RAPGEF2: variants seen among roughly 807,000 people sequenced by gnomAD.
RAPGEF2 encodes PDZ domain containing guanine nucleotide exchange factor (GEF) 1.
A neutral mutation model predicts 186.7 loss-of-function variants in RAPGEF2; 54 were observed. The observed-to-expected ratio is 0.29, with a 90% confidence interval of 0.23 to 0.36. The LOEUF is 0.36. Ranked by LOEUF, RAPGEF2 falls within the 10% of genes least tolerant of loss-of-function variation. The pLI, the probability that RAPGEF2 is intolerant of heterozygous loss-of-function variation, is 1.00. For missense variants in RAPGEF2, 1,532 were observed against 2,045.0 expected (o/e 0.75, Z 4.84); for synonymous variants, 712 against 705.9 (o/e 1.01, Z -0.14).
intron 3 of RAPGEF2, among the ~76,000 whole-genome samples, chr4:159,204,880 T>C (rs536812457): frequency 1.3e-5 from 2 of 152,324 alleles, no homozygotes; most frequent in East Asian, 3.9e-4. Flanking sequence ...ACCTCTTTAG[T>C]CTTCAGATTT....
At chr4:159,107,042 T>G (rs1332859799) in intron 1 of RAPGEF2, among the ~76,000 whole-genome samples, 2 of 152,222 alleles carry the variant, frequency 1.3e-5, no homozygotes, top group African/African-American at 4.8e-5. Context: ...AGACTATCAC[T>G]ATTTCACCTG....
intron 1 of RAPGEF2, among the ~76,000 whole-genome samples, chr4:159,112,190 A>T (rs989884741): frequency 6.6e-6 from 1 of 152,218 alleles, no homozygotes; most frequent in South Asian, 2.1e-4. Context: ...GTGCTTCTAA[A>T]ATACCAATAA....
intron 1 of RAPGEF2, among the ~76,000 whole-genome samples, chr4:159,163,127 G>C (rs999901724): frequency 1.3e-5 from 2 of 152,118 alleles, no homozygotes; most frequent in African/African-American, 4.8e-5. Context: ...TAGCTAGTAG[G>C]TATTTATCCT....
At chr4:159,344,911 T>G (rs887163057) in intron 23 of RAPGEF2, among the ~76,000 whole-genome samples, 195 bp from the exon 24 acceptor site, 2 of 152,218 alleles carry the variant, frequency 1.3e-5, no homozygotes, top group African/African-American at 4.8e-5. Flanking sequence ...TAAATTTTTA[T>G]ATGTATATTA....
At chr4:159,330,755 C>T (rs1397330708) in intron 13 of RAPGEF2, 1 of 374,940 alleles carries the variant, frequency 2.7e-6, no homozygotes, top group Non-Finnish European at 4.7e-6. Flanking sequence ...AATGTTTAAA[C>T]ATTTTTTTAA....
At chr4:159,114,524 A>G (rs1379961546) in intron 1 of RAPGEF2, among the ~76,000 whole-genome samples, 1 of 152,182 alleles carries the variant, frequency 6.6e-6, no homozygotes, top group Non-Finnish European at 1.5e-5. Flanking sequence ...GGTGTGAGCC[A>G]CCTTGCTTGG....
chr4:159,180,683 T>C (rs773801814), intron 1 of RAPGEF2, among the ~76,000 whole-genome samples: 2 of 152,184 alleles, frequency 1.3e-5, no homozygotes, highest in Non-Finnish European at 2.9e-5. Flanking sequence ...CTACACAGGG[T>C]TTTCTGGTTG....
At chr4:159,201,345 T>C (rs183473681) in intron 3 of RAPGEF2, among the ~76,000 whole-genome samples, 26 of 152,310 alleles carry the variant, frequency 1.7e-4, no homozygotes, top group African/African-American at 5.1e-4. Context: ...TTAGAACTTA[T>C]TTTTTTGAAG....
At chr4:159,333,947 C>T (rs1767042724) in intron 17 of RAPGEF2, among the ~76,000 whole-genome samples, 1 of 152,154 alleles carries the variant, frequency 6.6e-6, no homozygotes, top group East Asian at 1.9e-4. Context: ...ATAAAATTTT[C>T]ATCCACAGAT....
At chr4:159,352,615 A>G in intron 26 of RAPGEF2, 70 bp from the exon 27 acceptor site, 3 of 1,301,124 alleles carry the variant, frequency 2.3e-6, no homozygotes, top group East Asian at 2.3e-5. Flanking sequence ...TTTTGCTTCT[A>G]TTTGGTAGAC....
At chr4:159,156,350 A>C (rs1193559572) in intron 1 of RAPGEF2, among the ~76,000 whole-genome samples, 1 of 152,186 alleles carries the variant, frequency 6.6e-6, no homozygotes, top group Non-Finnish European at 1.5e-5. Context: ...TTCTTTGAAC[A>C]ATTTTTATAA....
At chr4:159,305,806 C>T (rs1466508727) in intron 8 of RAPGEF2, among the ~76,000 whole-genome samples, 1 of 151,906 alleles carries the variant, frequency 6.6e-6, no homozygotes, top group Non-Finnish European at 1.5e-5. Context: ...AGCTTTGGGT[C>T]TTAAGTCTTC....
chr4:159,187,168 CTTAA>C (rs1747644276), intron 2 of RAPGEF2, among the ~76,000 whole-genome samples: 1 of 152,194 alleles, frequency 6.6e-6, no homozygotes, highest in Non-Finnish European at 1.5e-5. Context: ...ATAATATATA[CTTAA>C]TTAAGTTTTA....
At chr4:159,124,602 A>G (rs190127669) in intron 1 of RAPGEF2, among the ~76,000 whole-genome samples, 3 of 152,318 alleles carry the variant, frequency 2.0e-5, no homozygotes, top group African/African-American at 4.8e-5. Context: ...TGCTGAAGAT[A>G]TATCTTTACG....
rs769375530 is a variant in RAPGEF2, at chr4:159,341,778, A to G, written c.2749A>G (p.Asn917Asp). Residue 917 changes from asparagine to aspartate, a missense_variant, in exon 20 of 30, where the codon AAC (asparagine) becomes GAC (aspartate). By Grantham distance (23) the Asn-to-Asp change is conservative. Around this residue, in one of 4 missense-constraint regions of RAPGEF2, gnomAD observed 810 missense variants for 1,210.5 expected, o/e 0.67. Coordinates refer to ENST00000691494, the MANE Select transcript of RAPGEF2 (RefSeq NM_001394067.2). The part of the protein sequence containing the change: ...FKLRSKTSCA[N>D]LKRFEEVINQ... Reference sequence around the variant, plus strand: ...ACTCAGATCAAAAACCAGCTGTGCCAACCTGAAGAGATTTGAAGAAGTCAT... The same window carrying G: ...ACTCAGATCAAAAACCAGCTGTGCCGACCTGAAGAGATTTGAAGAAGTCAT... 1.9e-6 allele frequency: 3 copies of G among 1,613,976 alleles called. No homozygotes were observed. In the African/African-American group the frequency reaches 4.0e-5, roughly 22 times the overall value.
At position 159,214,660 on chromosome 4, in the gene RAPGEF2, T is replaced by C. The variant is rs1379302546; in HGVS notation, c.281+4077T>C. On this transcript the variant is annotated intron_variant, in intron 4 of 29. Transcript: ENST00000691494. Reference sequence around the variant, plus strand: ...AACCAACATATTATTTTTTGCCTGCTGACTTCCAGAAGGCTAGGAATTTAT... The same window carrying C: ...AACCAACATATTATTTTTTGCCTGCCGACTTCCAGAAGGCTAGGAATTTAT... Among the ~76,000 whole-genome samples, 3 of 152,208 alleles carry C rather than the reference T, an allele frequency of 2.0e-5. No homozygotes were observed. The South Asian group carries it at 6.2e-4, about 32-fold the overall frequency.
At chr4:159,150,197 A>G (rs890229841) in intron 1 of RAPGEF2, among the ~76,000 whole-genome samples, 12 of 151,182 alleles carry the variant, frequency 7.9e-5, no homozygotes, top group South Asian at 4.1e-4. Context: ...GTTATATACT[A>G]TAAAGTCACC....
intron 4 of RAPGEF2, among the ~76,000 whole-genome samples, chr4:159,220,518 A>G (rs866369504): frequency 6.6e-6 from 1 of 152,212 alleles, no homozygotes; most frequent in Non-Finnish European, 1.5e-5. Context: ...CTCCTTGGCG[A>G]GACATACAGG....
intron 1 of RAPGEF2, among the ~76,000 whole-genome samples, chr4:159,153,863 T>G (rs768243103): frequency 2.0e-5 from 3 of 152,228 alleles, no homozygotes; most frequent in African/African-American, 4.8e-5. Flanking sequence ...TTAGCTAACC[T>G]TGCATTAAAA....
Sources: allele counts gnomAD v4.1 joint callset (sites outside exome capture counted in the v4.1 genomes callset), GRCh38; gene constraint gnomAD v4.1.1; regional missense constraint gnomAD v4.1.1; transcripts MANE v1.5; gene names NCBI Gene and HGNC (gene_info 2026-07-23, HGNC 2026-07-21).